PAQR8: variants seen among roughly 807,000 people sequenced by gnomAD.
PAQR8 encodes the protein membrane progestin receptor beta.
Under a neutral mutation model 25.2 loss-of-function variants are expected in PAQR8, and 17 were observed. That is an observed-to-expected ratio of 0.67 (90% CI 0.46 to 1.01). The LOEUF is 1.01. Ranked by LOEUF, PAQR8 falls within the 50% of genes least tolerant of loss-of-function variation. PAQR8 has a pLI of 0.00. For synonymous variants in PAQR8, 204 were observed against 190.6 expected (o/e 1.07, Z -0.58); for missense variants, 392 against 448.4 (o/e 0.87, Z 1.14).
chr6:52,390,181 A>C (rs1417569334), intron 1 of PAQR8, among the ~76,000 whole-genome samples: 1 of 152,242 alleles, frequency 6.6e-6, no homozygotes, highest in Non-Finnish European at 1.5e-5. Flanking sequence ...CAGATTAAAC[A>C]CAGATACTAT....
intron 1 of PAQR8, among the ~76,000 whole-genome samples, chr6:52,397,744 T>C (rs1158479529): frequency 2.6e-5 from 4 of 152,194 alleles, no homozygotes; most frequent in African/African-American, 9.7e-5. Context: ...GCAAAGGAGA[T>C]TGTTCTAAGG....
rs1763304989 is a variant in PAQR8, at chr6:52,362,735, G to T, written c.-53+486G>T. Among the ~76,000 whole-genome samples, 1 of 152,188 alleles carries T rather than the reference G, an allele frequency of 6.6e-6. No homozygotes were observed. The highest frequency in any genetic ancestry group is 1.5e-5 in the Non-Finnish European group (1 of 68,030). ...GCCCTCCGCAGGGCGGAGGGGAACG[G>T]AACCTGGGAGGGGAGTGCGGAGGAG... On this transcript the variant is annotated intron_variant, in intron 1 of 1. Transcript: ENST00000442253. The surrounding 1 kb of genome is among the most constrained non-coding windows in gnomAD (Gnocchi z 4.1).
chr6:52,399,829 G>T (rs1481961768), intron 1 of PAQR8, among the ~76,000 whole-genome samples: 1 of 152,110 alleles, frequency 6.6e-6, no homozygotes, highest in Non-Finnish European at 1.5e-5. Flanking sequence ...AACAAGCCCA[G>T]CACCCCCAGA....
intron 1 of PAQR8, among the ~76,000 whole-genome samples, chr6:52,369,901 T>C (rs1242617049): frequency 6.6e-6 from 1 of 152,216 alleles, no homozygotes; most frequent in Non-Finnish European, 1.5e-5. Context: ...ATTAGTTTCA[T>C]GGGCTAATAC....
Position 52,407,595 on chromosome 6 carries a change from A to C in PAQR8, c.*3317A>C, listed in dbSNP as rs1445304576. On this transcript the variant is annotated 3_prime_UTR_variant, in exon 2 of 2. Coordinates refer to ENST00000442253, the MANE Select transcript of PAQR8 (RefSeq NM_133367.5). Reference sequence around the variant, plus strand: ...CAAATGGATCCTCCAGATGGCATTCATGTCTTACTCAGAAAGGGCACTGCC... The same window carrying C: ...CAAATGGATCCTCCAGATGGCATTCCTGTCTTACTCAGAAAGGGCACTGCC... 1 of 152,704 alleles carries C rather than the reference A, an allele frequency of 6.5e-6. No individual in the cohort carries two copies. The highest frequency in any genetic ancestry group is 2.1e-4 in the East Asian group (1 of 4,690). The allele number at this position is 152,704 out of a possible 1,614,324, so 9.5% of individuals were successfully genotyped here.
intron 1 of PAQR8, among the ~76,000 whole-genome samples, chr6:52,389,158 C>T (rs568457308): frequency 2.2e-4 from 33 of 152,236 alleles, no homozygotes; most frequent in African/African-American, 6.3e-4. Flanking sequence ...AATATTGGTG[C>T]GGATACCTAG....
chr6:52,380,890 T>G (rs969345507), intron 1 of PAQR8, among the ~76,000 whole-genome samples: 1 of 152,236 alleles, frequency 6.6e-6, no homozygotes. Context: ...GCCAATACTT[T>G]GTACTCACGA....
Position 52,404,440 on chromosome 6 carries a change from G to C in PAQR8, c.*162G>C, listed in dbSNP as rs940310494. ...GAAAGCCAAAGGATTTAAGAGTTTT[G>C]TTGTTGTTAATAAAAGGAATACTCC... On this transcript the variant is annotated 3_prime_UTR_variant, in exon 2 of 2. Coordinates refer to ENST00000442253, the MANE Select transcript of PAQR8 (RefSeq NM_133367.5). 5 of 718,728 alleles carry C rather than the reference G, an allele frequency of 7.0e-6. No homozygotes were observed. 44.5% of individuals were successfully genotyped at this position (718,728 alleles called of 1,614,324 possible).
At chr6:52,398,204 C>CTTTTTTTT (rs869285681) in intron 1 of PAQR8, among the ~76,000 whole-genome samples, 10 of 85,802 alleles carry the variant, frequency 1.2e-4, no homozygotes, top group South Asian at 4.1e-4. Context: ...TTTCTTTTTT[C>CTTTTTTTT]TTTTTTTTTT....
intron 1 of PAQR8, among the ~76,000 whole-genome samples, chr6:52,379,625 T>TC (rs1393724232): frequency 1.5e-5 from 2 of 132,454 alleles, no homozygotes; most frequent in East Asian, 4.4e-4. Flanking sequence ...CTTTCTTTTT[T>TC]TTTTTTTTTT....
chr6:52,396,046 A>G (rs997267101), intron 1 of PAQR8, among the ~76,000 whole-genome samples: 1 of 152,220 alleles, frequency 6.6e-6, no homozygotes, highest in Non-Finnish European at 1.5e-5. Context: ...AAATAATTAT[A>G]AGGTGTCTTC....
rs572286672 is a variant in PAQR8, at chr6:52,395,205, G to A, written c.-52-7957G>A. ...GGAGAATTGCTTGAACCCGGGAGGC[G>A]GAGGTTGCAGTGAGCCAAGATTGCG... is the stretch of plus-strand genomic sequence containing the variant. On this transcript the variant is annotated intron_variant, in intron 1 of 1. Transcript: ENST00000442253. Among the ~76,000 whole-genome samples, 6 of 150,570 alleles carry A rather than the reference G, an allele frequency of 4.0e-5. No homozygotes were observed. In the South Asian group the frequency reaches 6.3e-4, roughly 16 times the overall value.
chr6:52,390,859 T>G (rs1019123353), intron 1 of PAQR8, among the ~76,000 whole-genome samples: 1 of 152,222 alleles, frequency 6.6e-6, no homozygotes, highest in Non-Finnish European at 1.5e-5. Context: ...CTGGGGTGTT[T>G]CTTGGGGAGG....
At chr6:52,378,422 A>T (rs539360076) in intron 1 of PAQR8, among the ~76,000 whole-genome samples, 1 of 152,370 alleles carries the variant, frequency 6.6e-6, no homozygotes, top group South Asian at 2.1e-4. Context: ...ACAGCTAAGC[A>T]GAGTTATCAA....
intron 1 of PAQR8, among the ~76,000 whole-genome samples, chr6:52,364,984 C>G (rs924127502): frequency 6.6e-6 from 1 of 152,112 alleles, no homozygotes; most frequent in African/African-American, 2.4e-5. Flanking sequence ...AGTAATTGGT[C>G]CTGTCACTTT....
intron 1 of PAQR8, among the ~76,000 whole-genome samples, chr6:52,364,391 C>A (rs1230735841): frequency 1.3e-5 from 2 of 152,180 alleles, no homozygotes; most frequent in Admixed American, 6.5e-5. Flanking sequence ...TCTGCACTAT[C>A]ATTCCTGCAG....
chr6:52,403,958 A>G lies in PAQR8; in HGVS notation c.745A>G (p.Thr249Ala). ...GCQEQAAWYH[T>A]LQILFFLVSA... ...CCAGGAGCAAGCAGCCTGGTACCAC[A>G]CCCTCCAGATCCTCTTCTTCCTGGT... The change falls in exon 2 of 2, where the codon ACC becomes GCC. Residue 249 changes from threonine to alanine, a missense_variant. Transcript: ENST00000442253. 1.2e-6 allele frequency: 2 copies of G among 1,614,032 alleles called. No homozygotes were observed. Among genetic ancestry groups the G allele is most frequent in the Non-Finnish European group, 1.7e-6 (2 of 1,179,974 alleles).
intron 1 of PAQR8, among the ~76,000 whole-genome samples, chr6:52,399,634 G>A (rs1763808030): frequency 6.6e-6 from 1 of 152,114 alleles, no homozygotes; most frequent in Non-Finnish European, 1.5e-5. Flanking sequence ...ATGCAGACAG[G>A]GATACTGGGA....
In PAQR8 at chr6:52,365,481, G is replaced by T. The variant is rs1342421085; in HGVS notation, c.-53+3232G>T. On this transcript the variant is annotated intron_variant, in intron 1 of 1. Transcript: ENST00000442253. ...TACCTCATGGGGCTGTGATGAAGATGAAATAACATTGATGCGTGTAGAACA... is the reference window on the plus strand; with the variant it reads ...TACCTCATGGGGCTGTGATGAAGATTAAATAACATTGATGCGTGTAGAACA... Among the ~76,000 whole-genome samples the T allele has an allele frequency of 3.3e-5, 5 of 152,162 alleles. No individual in the cohort carries two copies. In the East Asian group the frequency reaches 9.6e-4, roughly 29 times the overall value.
Sources: allele counts gnomAD v4.1 joint callset (sites outside exome capture counted in the v4.1 genomes callset), GRCh38; gene constraint gnomAD v4.1.1; non-coding constraint Gnocchi (gnomAD v3.1); transcripts MANE v1.5; gene names NCBI Gene and HGNC (gene_info 2026-07-23, HGNC 2026-07-21).